The following HCN2 variants were observed in gnomAD, a reference collection of about 807,000 sequenced individuals.
HCN2 encodes the protein hyperpolarization activated cyclic nucleotide gated potassium and sodium channel 2.
Under a neutral mutation model 52.3 loss-of-function variants are expected in HCN2, and 20 were observed. That is an observed-to-expected ratio of 0.38 (90% confidence interval 0.27 to 0.56). HCN2 has a LOEUF of 0.56. Ranked by LOEUF, HCN2 falls within the 20% of genes least tolerant of loss-of-function variation. The probability of loss-of-function intolerance (pLI) is 0.71; values close to 1 mark genes in which losing one functional copy is unlikely to be tolerated. For synonymous variants in HCN2, 694 were observed against 537.0 expected, an observed-to-expected ratio of 1.29 and a Z score of -4.04; for missense variants, 981 against 1,207.7, an observed-to-expected ratio of 0.81 and a Z score of 2.78.
chr19:606,273 G>A (rs906638590), intron 3 of HCN2, among the ~76,000 whole-genome samples: 2 of 151,934 alleles, frequency 1.3e-5, no homozygotes, highest in Non-Finnish European at 2.9e-5. Flanking sequence ...GATAATTTTC[G>A]TACTTTTAGT....
chr19:607,425 G>T (rs570651999), intron 3 of HCN2, among the ~76,000 whole-genome samples: 1 of 152,198 alleles, frequency 6.6e-6, no homozygotes, highest in Admixed American at 6.5e-5. Flanking sequence ...GGGAAGACCC[G>T]CCAGTGCCCC....
chr19:609,872 C>T (rs139955751), intron 4 of HCN2, among the ~76,000 whole-genome samples: 157 of 152,182 alleles, frequency 1.0e-3, no homozygotes, highest in African/African-American at 2.9e-3. Flanking sequence ...TGCACTCCAG[C>T]GTGGGCCACA....
intron 1 of HCN2, among the ~76,000 whole-genome samples, chr19:594,122 A>G (rs1568360796): frequency 6.7e-6 from 1 of 149,936 alleles, no homozygotes; most frequent in Non-Finnish European, 1.5e-5. Flanking sequence ...TCCGCAGGAG[A>G]GGGGCTGGGG....
rs542977473 is a variant in HCN2 at position 605,232 on chromosome 19, G to C, written c.1218+10G>C. ...CATCAATGGCATGGTGGTGAGCGCC[G>C]CGGGCCCTGACGGAGGGGGAGACGC... On this transcript the variant is annotated intron_variant, in intron 3 of 7. Coordinates refer to ENST00000251287, the MANE Select transcript of HCN2 (RefSeq NM_001194.4). The C allele has an allele frequency of 6.2e-7, 1 of 1,608,934 alleles. No individual in the cohort carries two copies.
rs1983035718 is a variant in HCN2, at chr19:596,527, G to T, written c.632+5950G>T. Among the ~76,000 whole-genome samples the T allele has an allele frequency of 3.9e-5, 6 of 152,248 alleles. No homozygotes were observed. The South Asian group carries it at 1.2e-3, about 31-fold the overall frequency. ...GGACCCCCGCGTTTCCGAGGAAGGG[G>T]CCCTCGTAGAGGCCTCACTGTTACC... On this transcript the variant is annotated intron_variant, in intron 1 of 7. Transcript: ENST00000251287.
intron 2 of HCN2, among the ~76,000 whole-genome samples, 183 bp from the exon 3 acceptor site, chr19:604,878 C>T (rs1231335502): frequency 1.1e-5 from 1 of 92,848 alleles, no homozygotes; most frequent in African/African-American, 4.5e-5. Flanking sequence ...GGGGTGGGGG[C>T]TGTGGGTTTG....
intron 2 of HCN2, among the ~76,000 whole-genome samples, 178 bp from the exon 3 acceptor site, chr19:604,883 G>A (rs1336416506): frequency 7.7e-6 from 1 of 130,148 alleles, no homozygotes; most frequent in Non-Finnish European, 1.6e-5. Context: ...GGGGGCTGTG[G>A]GTTTGGAGGG....
chr19:613,626 T>TCC (rs1983753475), intron 6 of HCN2, 138 bp downstream of exon 6: 3 of 42,134 alleles, frequency 7.1e-5, no homozygotes, highest in African/African-American at 1.8e-4. Context: ...GGGATGGGGA[T>TCC]GGGGATGGGG....
chr19:590,194 C>A lies in HCN2; in HGVS notation c.249C>A (p.Gly83=). ...GRLRSRDSSC[G]RPGTPGAAST... ...TCCGCAGCCGCGACAGCTCGTGCGG[C>A]CGCCCCGGCACCCCGGGCGCGGCGA... Residue 83 remains glycine, a synonymous_variant, in exon 1 of 8, where the codon GGC becomes GGA. Coordinates refer to ENST00000251287, the MANE Select transcript of HCN2 (RefSeq NM_001194.4). The surrounding 1 kb of genome is among the most constrained non-coding windows in gnomAD (Gnocchi z 7.2). 1.0e-6 allele frequency: 1 copy of A among 982,066 alleles called. No individual in the cohort carries two copies. The highest frequency in any genetic ancestry group is 1.2e-6 in the Non-Finnish European group (1 of 829,874). The allele number at this position is 982,066 out of a possible 1,614,324, so 60.8% of individuals were successfully genotyped here.
chr19:616,958 C>T lies in HCN2; in HGVS notation c.*484C>T, dbSNP rs1287101173. On this transcript the variant is annotated 3_prime_UTR_variant, in exon 8 of 8. Coordinates refer to ENST00000251287, the MANE Select transcript of HCN2 (RefSeq NM_001194.4). ...GTCCGCGCGCGTCCCCCGGTGACCT[C>T]GGGGAGCAGCACCCCGCCTCCCTCC... 2 of 437,190 alleles carry T rather than the reference C, an allele frequency of 4.6e-6. No individual in the cohort carries two copies. The highest frequency in any genetic ancestry group is 8.4e-6 in the Non-Finnish European group (2 of 236,848). The allele number at this position is 437,190 out of a possible 1,614,324, so 27.1% of individuals were successfully genotyped here.
chr19:611,035 CCT>C lies in HCN2; in HGVS notation c.1584+631_1584+632del, dbSNP rs146298803. Among the ~76,000 whole-genome samples, 1,023 of 152,334 alleles carry C rather than the reference CCT, an allele frequency of 6.7e-3. 9 individuals carry two copies. Among genetic ancestry groups the C allele is most frequent in the African/African-American group, 0.024 (987 of 41,570 alleles). ...CCTCCATCTGCTCACAGCCTTCTCC[CCT>C]GTGTGTCTCTGTCTCTTCTTGTAAA... On this transcript the variant is annotated intron_variant, in intron 5 of 7. Transcript: ENST00000251287.
intron 5 of HCN2, among the ~76,000 whole-genome samples, chr19:612,427 T>TGTGTGTGTGTGTGAGAGAGAGA: frequency 2.8e-4 from 40 of 142,360 alleles, no homozygotes; most frequent in African/African-American, 1.0e-3. Context: ...TGTGTGTGTG[T>TGTGTGTGTGTGTGAGAGAGAGA]GAGAGAGAGA....
chr19:615,786 C>G lies in HCN2; in HGVS notation c.1991-9C>G. 1.2e-6 allele frequency: 2 copies of G among 1,610,848 alleles called. No homozygotes were observed. The highest frequency in any genetic ancestry group is 1.7e-6 in the Non-Finnish European group (2 of 1,179,364). Reference sequence around the variant, plus strand: ...CCCTGTGCACACGCTAACGCCCCCTCTCCCGCAGGCAAGAAGAATTCCATC... The same window carrying G: ...CCCTGTGCACACGCTAACGCCCCCTGTCCCGCAGGCAAGAAGAATTCCATC... On this transcript the variant is annotated splice_polypyrimidine_tract_variant and intron_variant, in intron 7 of 7. Coordinates refer to ENST00000251287, the MANE Select transcript of HCN2 (RefSeq NM_001194.4).
In HCN2 at chr19:590,456, C is replaced by T. The variant is rs1392620263; in HGVS notation, c.511C>T (p.Leu171=). The T allele has an allele frequency of 1.3e-6, 2 of 1,511,372 alleles. No homozygotes were observed. The highest frequency in any genetic ancestry group is 8.9e-7 in the Non-Finnish European group (1 of 1,124,120). The allele number at this position is 1,511,372 out of a possible 1,614,324, so 93.6% of individuals were successfully genotyped here. A position where few individuals can be genotyped will look rare whatever the true frequency, so the allele number is the denominator to read the frequency against. The part of the protein sequence containing the change: ...SFMQRQFGAL[L]QPGVNKFSLR... The stretch of plus-strand genomic sequence containing the variant: ...CATGCAGCGCCAGTTCGGCGCGCTC[C>T]TGCAGCCGGGCGTCAACAAGTTCTC... The change falls in exon 1 of 8, where the codon CTG becomes TTG. Residue 171 remains leucine (L), a synonymous_variant. Transcript: ENST00000251287. This position sits in a 1 kb window ranked among gnomAD's most constrained non-coding sequence, Gnocchi z 7.2.
At chr19:599,457 G>A (rs979115691) in intron 1 of HCN2, among the ~76,000 whole-genome samples, 11 of 152,130 alleles carry the variant, frequency 7.2e-5, no homozygotes, top group African/African-American at 2.7e-4. Context: ...GCCATGATAG[G>A]GAGGGGCTGG....
intron 1 of HCN2, among the ~76,000 whole-genome samples, chr19:602,981 C>G (rs1983259613): frequency 1.1e-5 from 1 of 90,814 alleles, no homozygotes; most frequent in African/African-American, 4.1e-5. Context: ...GCTGTGGGCA[C>G]CCTCGTCCCC....
At chr19:601,921 G>A (rs1168051993) in intron 1 of HCN2, among the ~76,000 whole-genome samples, 3 of 152,030 alleles carry the variant, frequency 2.0e-5, no homozygotes, top group African/African-American at 4.8e-5. Context: ...ACTCTGGCCG[G>A]GTGTATCTGG....
chr19:593,275 G>A (rs72972195), intron 1 of HCN2, among the ~76,000 whole-genome samples: 12,029 of 152,270 alleles, frequency 0.079, 683 homozygotes, highest in Admixed American at 0.15. Flanking sequence ...CTGGGCTGAC[G>A]TGGGTCCAGA....
At position 617,040 on chromosome 19, in the gene HCN2, TCC is replaced by T; in HGVS notation, c.*568_*569del. 1 of 533,692 alleles carries T rather than the reference TCC, an allele frequency of 1.9e-6. No individual in the cohort carries two copies. Among genetic ancestry groups the T allele is most frequent in the Admixed American group, 3.2e-5 (1 of 31,434 alleles). 33.1% of individuals were successfully genotyped at this position (533,692 alleles called of 1,614,324 possible). ...GCAGGGCGCGGGGGGGAGGCTGGGG[TCC>T]CGCCGCCGTGATGAATGTACTGACG... On this transcript the variant is annotated 3_prime_UTR_variant, in exon 8 of 8. Transcript: ENST00000251287.
Sources: allele counts gnomAD v4.1 joint callset (sites outside exome capture counted in the v4.1 genomes callset), GRCh38; gene constraint gnomAD v4.1.1; non-coding constraint Gnocchi (gnomAD v3.1); transcripts MANE v1.5; gene names NCBI Gene and HGNC (gene_info 2026-07-23, HGNC 2026-07-21).